The following SAMD5 variants were observed in gnomAD, a reference collection of about 807,000 sequenced individuals.
SAMD5 encodes the protein sterile alpha motif domain containing 5.
Under a neutral mutation model 11.3 loss-of-function variants are expected in SAMD5, and 13 were observed. The ratio of observed to expected loss-of-function variants is 1.15; its 90% CI spans 0.75 to 1.83. The LOEUF (loss-of-function observed/expected upper bound fraction) is 1.83. Among genes scored for constraint, SAMD5 ranks in the 40% most tolerant of loss-of-function variants. The probability of loss-of-function intolerance (pLI) is 0.00; values close to 1 mark genes in which losing one functional copy is unlikely to be tolerated. For missense variants in SAMD5, 255 were observed against 239.1 expected, an observed-to-expected ratio of 1.07 and a Z score of -0.44; for synonymous variants, 129 against 111.3, an observed-to-expected ratio of 1.16 and a Z score of -1.00.
At chr6:147,776,010 G>T in the SAMD5 span, among the ~76,000 whole-genome samples, 5 of 152,160 alleles carry the variant, frequency 3.3e-5, no homozygotes, top group Non-Finnish European at 7.3e-5. Flanking sequence ...TCCAGAATAG[G>T]TGCTGGAAAC....
At chr6:147,891,005 G>A in the SAMD5 span, among the ~76,000 whole-genome samples, 18 of 152,274 alleles carry the variant, frequency 1.2e-4, no homozygotes, top group African/African-American at 4.3e-4. Flanking sequence ...CCGTATGATT[G>A]CATATGGATA....
At position 147,566,517 on chromosome 6, in the gene SAMD5, A is replaced by G; in HGVS notation, c.*2061A>G. On this transcript the variant is annotated 3_prime_UTR_variant, in exon 2 of 2. Coordinates refer to ENST00000367474, the MANE Select transcript of SAMD5 (RefSeq NM_001030060.3). ...GGACTCAATTTTTGAAAAATCTGTT[A>G]TTTTCACTGTGGGCCTTATGAGGCA... The G allele has an allele frequency of 1.0e-6, 1 of 985,614 alleles. No individual in the cohort carries two copies. 61.1% of individuals were successfully genotyped at this position (985,614 alleles called of 1,614,324 possible). A position where few individuals can be genotyped will look rare whatever the true frequency, so the allele number is the denominator to read the frequency against.
the SAMD5 span, among the ~76,000 whole-genome samples, chr6:147,932,808 G>A: frequency 6.6e-6 from 1 of 152,082 alleles, no homozygotes; most frequent in East Asian, 1.9e-4. Flanking sequence ...TGATGGAAAG[G>A]GAATGGGTTT....
At chr6:147,574,626 C>G (rs1353434965), downstream of SAMD5, among the ~76,000 whole-genome samples, 2 of 152,170 alleles carry the variant, frequency 1.3e-5, no homozygotes, top group African/African-American at 4.8e-5. Flanking sequence ...TTTTCTCACA[C>G]TTCTGGAGGC....
the SAMD5 span, among the ~76,000 whole-genome samples, chr6:147,817,606 G>A: frequency 6.6e-6 from 1 of 152,226 alleles, no homozygotes; most frequent in Non-Finnish European, 1.5e-5. Flanking sequence ...TTAAACCACA[G>A]CTCTATGGTT....
the SAMD5 span, among the ~76,000 whole-genome samples, chr6:147,856,640 T>A: frequency 6.6e-6 from 1 of 152,130 alleles, no homozygotes; most frequent in African/African-American, 2.4e-5. Context: ...CCAGAAACTA[T>A]CTGCATGATC....
chr6:147,597,829 A>T lies in SAMD5; in HGVS notation c.162+88442A>T, dbSNP rs370987666. Reference sequence around the variant, plus strand: ...AGGAATCACCAGGGAGTCACGATCCAGTAGCTTACAGGGTGACTTCTTCCT... The same window carrying T: ...AGGAATCACCAGGGAGTCACGATCCTGTAGCTTACAGGGTGACTTCTTCCT... On this transcript the variant is annotated intron_variant, in intron 1 of 1. Transcript: ENST00000566741. Among the ~76,000 whole-genome samples the T allele has an allele frequency of 1.8e-4, 28 of 152,282 alleles. No homozygotes were observed. The South Asian group carries it at 5.6e-3, about 30-fold the overall frequency.
chr6:147,865,380 T>A, the SAMD5 span, among the ~76,000 whole-genome samples: 1 of 145,164 alleles, frequency 6.9e-6, no homozygotes, highest in Non-Finnish European at 1.5e-5. Context: ...GGGAGAGAGA[T>A]AGAGAGGGCA....
chr6:147,629,377 T>C (rs2128451171), intron 1 of SAMD5, among the ~76,000 whole-genome samples: 1 of 152,154 alleles, frequency 6.6e-6, no homozygotes, highest in Admixed American at 6.5e-5. Context: ...GGAAGGCAAA[T>C]TCAGACTCTA....
intron 1 of SAMD5, among the ~76,000 whole-genome samples, chr6:147,620,830 G>A (rs539638569): frequency 1.3e-5 from 2 of 152,190 alleles, no homozygotes; most frequent in Admixed American, 6.5e-5. Context: ...TTAAAGAGGG[G>A]GTCAATTTGG....
chr6:147,697,211 G>A (rs1164550713), intron 1 of SAMD5, among the ~76,000 whole-genome samples: 1 of 152,170 alleles, frequency 6.6e-6, no homozygotes, highest in Non-Finnish European at 1.5e-5. Context: ...CAAGGAAGAA[G>A]GGTTTAATCG....
intron 1 of SAMD5, among the ~76,000 whole-genome samples, chr6:147,629,743 C>T (rs1196354070): frequency 6.6e-6 from 1 of 152,152 alleles, no homozygotes; most frequent in African/African-American, 2.4e-5. Flanking sequence ...CCCTAGATAA[C>T]ATGTCCTGAC....
intron 1 of SAMD5, among the ~76,000 whole-genome samples, chr6:147,659,460 T>C (rs1162365204): frequency 1.3e-5 from 2 of 152,210 alleles, no homozygotes; most frequent in Non-Finnish European, 2.9e-5. Context: ...TATTCTAGCA[T>C]TTTTGATCAC....
At chr6:147,897,295 C>A in the SAMD5 span, among the ~76,000 whole-genome samples, 1 of 152,064 alleles carries the variant, frequency 6.6e-6, no homozygotes, top group Non-Finnish European at 1.5e-5. Flanking sequence ...TTGTACTGTG[C>A]GTGTGTTGAA....
the SAMD5 span, among the ~76,000 whole-genome samples, chr6:147,792,476 G>T: frequency 3.3e-5 from 5 of 152,140 alleles, no homozygotes; most frequent in Non-Finnish European, 7.4e-5. Context: ...GACGCATATG[G>T]ATGTATATAT....
intron 1 of SAMD5, among the ~76,000 whole-genome samples, chr6:147,550,554 A>G (rs1401819001): frequency 6.6e-6 from 1 of 152,232 alleles, no homozygotes; most frequent in Non-Finnish European, 1.5e-5. Flanking sequence ...TATATACACA[A>G]TGGAATACCA....
At chr6:147,804,111 C>CTT in the SAMD5 span, among the ~76,000 whole-genome samples, 1,043 of 132,106 alleles carry the variant, frequency 7.9e-3, 14 homozygotes, top group African/African-American at 0.027. Context: ...TTGAAGATAT[C>CTT]TTTTTTTTTT....
chr6:147,588,678 T>C (rs1045885198), intron 1 of SAMD5, among the ~76,000 whole-genome samples: 5 of 152,120 alleles, frequency 3.3e-5, no homozygotes, highest in African/African-American at 1.2e-4. Context: ...TGTTTTTTTT[T>C]ACTCTGTGAT....
intron 1 of SAMD5, among the ~76,000 whole-genome samples, chr6:147,609,798 C>T (rs954142500): frequency 1.3e-5 from 2 of 152,158 alleles, no homozygotes; most frequent in African/African-American, 2.4e-5. Context: ...CCTCATGATC[C>T]GCCCGCCTCA....
Sources: gnomAD v4.1 joint callset for allele counts (sites outside exome capture counted in the v4.1 genomes callset) on GRCh38, gnomAD v4.1.1 for gene constraint, MANE v1.5 for transcripts, NCBI Gene and HGNC (gene_info 2026-07-23, HGNC 2026-07-21) for gene names.